The following SLC39A11 variants were observed in gnomAD, a reference collection of about 807,000 sequenced individuals.
SLC39A11 encodes the protein zinc transporter ZIP11.
A neutral mutation model predicts 36.1 loss-of-function variants in SLC39A11; 33 were observed. The observed-to-expected ratio is 0.91, with a 90% CI of 0.69 to 1.22. SLC39A11 has a LOEUF of 1.22. Ranked by LOEUF, SLC39A11 falls within the 50% of genes most tolerant of loss-of-function variation. SLC39A11 has a pLI of 0.00. For missense variants in SLC39A11, 432 were observed against 430.3 expected, an observed-to-expected ratio of 1.00 and a Z score of -0.03; for synonymous variants, 166 against 170.3, an observed-to-expected ratio of 0.97 and a Z score of 0.20.
At chr17:72,908,669 C>T (rs539251048) in intron 5 of SLC39A11, among the ~76,000 whole-genome samples, 3 of 152,290 alleles carry the variant, frequency 2.0e-5, no homozygotes, top group African/African-American at 7.2e-5. Flanking sequence ...AGGAGACGGG[C>T]ATGCTGTAGG....
chr17:73,049,354 G>A (rs1373069668), intron 3 of SLC39A11, among the ~76,000 whole-genome samples: 2 of 150,884 alleles, frequency 1.3e-5, no homozygotes, highest in African/African-American at 4.8e-5. Flanking sequence ...TTGGGACCAG[G>A]AGCAGCTGGG....
At chr17:72,919,462 G>A (rs571429905) in intron 5 of SLC39A11, among the ~76,000 whole-genome samples, 1 of 152,072 alleles carries the variant, frequency 6.6e-6, no homozygotes, top group Non-Finnish European at 1.5e-5. Flanking sequence ...AGCATGTGGG[G>A]AGCTGAGAAA....
At chr17:72,801,182 G>C (rs1201766262) in intron 6 of SLC39A11, among the ~76,000 whole-genome samples, 1 of 152,190 alleles carries the variant, frequency 6.6e-6, no homozygotes, top group African/African-American at 2.4e-5. Flanking sequence ...TGCTGGCTAA[G>C]GGGTGCAGGA....
rs1340315762 is a variant in SLC39A11, at chr17:73,054,287, G to A, written c.148-22573C>T. Reference sequence around the variant, plus strand: ...TGAGGCAGGAGAATCTCTTGAACCCGGGAGGCGGAGGTTGCAGTGAGCCAA... The same window carrying A: ...TGAGGCAGGAGAATCTCTTGAACCCAGGAGGCGGAGGTTGCAGTGAGCCAA... On this transcript the variant is annotated intron_variant, in intron 3 of 9. Coordinates refer to ENST00000255559, the MANE Select transcript of SLC39A11 (RefSeq NM_139177.4). Among the ~76,000 whole-genome samples, 9 of 151,878 alleles carry A rather than the reference G, an allele frequency of 5.9e-5. No homozygotes were observed. The East Asian group carries it at 1.2e-3, about 20-fold the overall frequency.
At chr17:73,041,148 C>T (rs923828373) in intron 3 of SLC39A11, among the ~76,000 whole-genome samples, 3 of 152,022 alleles carry the variant, frequency 2.0e-5, no homozygotes, top group Non-Finnish European at 4.4e-5. Context: ...ACAGAATGTA[C>T]GTTGTAGGGC....
intron 4 of SLC39A11, among the ~76,000 whole-genome samples, chr17:72,964,468 G>A (rs1324094091): frequency 6.6e-6 from 1 of 152,046 alleles, no homozygotes; most frequent in African/African-American, 2.4e-5. Context: ...CCAGAAAACA[G>A]GCATAAAACT....
chr17:72,905,626 T>A (rs1364518259), intron 5 of SLC39A11, among the ~76,000 whole-genome samples: 2 of 151,718 alleles, frequency 1.3e-5, no homozygotes, highest in Non-Finnish European at 2.9e-5. Context: ...AGGTCTCTCT[T>A]GGTCACCCAG....
intron 4 of SLC39A11, among the ~76,000 whole-genome samples, chr17:73,026,517 C>CAAAAAAAAAAAAA (rs548390962): frequency 1.3e-5 from 1 of 75,572 alleles, no homozygotes; most frequent in Non-Finnish European, 3.0e-5. Flanking sequence ...GAAACTACAT[C>CAAAAAAAAAAAAA]AAAAAAAAAA....
intron 5 of SLC39A11, among the ~76,000 whole-genome samples, chr17:72,933,606 G>A (rs1016791345): frequency 2.0e-5 from 3 of 152,008 alleles, no homozygotes; most frequent in Non-Finnish European, 4.4e-5. Context: ...TGCAACCTCC[G>A]CCTCCCGGGT....
intron 2 of SLC39A11, among the ~76,000 whole-genome samples, chr17:73,087,230 G>A (rs2060764339): frequency 6.6e-6 from 1 of 152,064 alleles, no homozygotes. Context: ...CCATGTTTCT[G>A]GATTGTGTGT....
chr17:72,764,263 G>T (rs766747809), intron 6 of SLC39A11, among the ~76,000 whole-genome samples: 19 of 152,140 alleles, frequency 1.2e-4, no homozygotes, highest in Non-Finnish European at 1.9e-4. Flanking sequence ...GAGACAGCCT[G>T]GGGGCTCAGG....
At chr17:72,653,530 C>T (rs191435227) in intron 7 of SLC39A11, among the ~76,000 whole-genome samples, 1 of 151,586 alleles carries the variant, frequency 6.6e-6, no homozygotes, top group African/African-American at 2.4e-5. Context: ...ACCTCCGCCT[C>T]ATGGGTTCAA....
At chr17:73,024,681 T>A (rs1160126832) in intron 4 of SLC39A11, among the ~76,000 whole-genome samples, 1 of 151,958 alleles carries the variant, frequency 6.6e-6, no homozygotes, top group Non-Finnish European at 1.5e-5. Context: ...CAGCCAAATA[T>A]TGATACCAGT....
chr17:72,685,541 C>A (rs890567117), intron 7 of SLC39A11, among the ~76,000 whole-genome samples: 1 of 125,492 alleles, frequency 8.0e-6, no homozygotes, highest in Non-Finnish European at 1.7e-5. Context: ...CACAATAAGC[C>A]CCAAAAGGAT....
chr17:72,921,035 G>C (rs890517112), intron 5 of SLC39A11, among the ~76,000 whole-genome samples: 1 of 152,110 alleles, frequency 6.6e-6, no homozygotes, highest in Admixed American at 6.6e-5. Flanking sequence ...TTCATTTCTT[G>C]TTCTTATTCT....
At chr17:72,673,978 G>A (rs1337047275) in intron 7 of SLC39A11, among the ~76,000 whole-genome samples, 1 of 152,186 alleles carries the variant, frequency 6.6e-6, no homozygotes, top group Admixed American at 6.5e-5. Context: ...TGAGGCAGGA[G>A]AATTGCTTGA....
intron 7 of SLC39A11, among the ~76,000 whole-genome samples, chr17:72,665,213 T>C (rs898843839): frequency 6.6e-6 from 1 of 152,052 alleles, no homozygotes; most frequent in Non-Finnish European, 1.5e-5. Context: ...ATCTTGGAAA[T>C]GGATCCTTCA....
intron 6 of SLC39A11, among the ~76,000 whole-genome samples, chr17:72,740,608 T>TA (rs2074652136): frequency 2.6e-5 from 4 of 152,096 alleles, no homozygotes; most frequent in Non-Finnish European, 5.9e-5. Flanking sequence ...TAATGGTACT[T>TA]TGTGTGGGTC....
intron 3 of SLC39A11, among the ~76,000 whole-genome samples, chr17:73,084,033 G>C (rs1174351611): frequency 6.6e-6 from 1 of 152,172 alleles, no homozygotes; most frequent in Non-Finnish European, 1.5e-5. Flanking sequence ...AAGAAGTTTT[G>C]GGGAGGACAG....
Sources: allele counts gnomAD v4.1 joint callset (sites outside exome capture counted in the v4.1 genomes callset), GRCh38; gene constraint gnomAD v4.1.1; transcripts MANE v1.5; gene names NCBI Gene and HGNC (gene_info 2026-07-23, HGNC 2026-07-21).